HECW2: variants seen among roughly 807,000 people sequenced by gnomAD.
HECW2 encodes E3 ubiquitin-protein ligase HECW2.
In HECW2, 61 loss-of-function variants were observed where a neutral mutation model predicts 175.2. The ratio of observed to expected loss-of-function variants is 0.35; its 90% CI spans 0.28 to 0.43. The LOEUF is 0.43. Among genes scored for constraint, HECW2 ranks in the 20% least tolerant of loss-of-function variants. HECW2 has a pLI of 1.00. For synonymous variants in HECW2, 671 were observed against 731.0 expected, an observed-to-expected ratio of 0.92 and a Z score of 1.32; for missense variants, 1,524 against 2,000.5, an observed-to-expected ratio of 0.76 and a Z score of 4.54.
At chr2:196,519,228 GTT>G (rs985319809) in intron 1 of HECW2, among the ~76,000 whole-genome samples, 2 of 152,312 alleles carry the variant, frequency 1.3e-5, no homozygotes, top group African/African-American at 4.8e-5. Context: ...AGGTGGTAGA[GTT>G]AGGACTGAAA....
Position 196,382,904 on chromosome 2 carries a change from T to A in HECW2, c.293-39140A>T, listed in dbSNP as rs139411732. Among the ~76,000 whole-genome samples the A allele has an allele frequency of 2.6e-4, 39 of 152,344 alleles. No homozygotes were observed. In the East Asian group the frequency reaches 7.5e-3, roughly 29 times the overall value. On this transcript the variant is annotated intron_variant, in intron 2 of 28. Coordinates refer to ENST00000644978, the MANE Select transcript of HECW2 (RefSeq NM_001348768.2). ...AGCTTTCATTTTATTCTATTTTCTGTATTTTAAATGTTTTTCACTAAGCTT... is the reference window on the plus strand; with the variant it reads ...AGCTTTCATTTTATTCTATTTTCTGAATTTTAAATGTTTTTCACTAAGCTT...
chr2:196,580,022 T>C lies in HECW2; in HGVS notation c.-36+13486A>G, dbSNP rs144400085. Among the ~76,000 whole-genome samples the C allele has an allele frequency of 8.8e-3, 1,341 of 151,864 alleles. 17 individuals are homozygous for C. The highest frequency in any genetic ancestry group is 0.016 in the Non-Finnish European group (1,062 of 67,938). ...ATGATAACAGCAACCAAAAAAAGAGTTGGAGTGATAATATTAGTATCAGAC... is the reference window on the plus strand; with the variant it reads ...ATGATAACAGCAACCAAAAAAAGAGCTGGAGTGATAATATTAGTATCAGAC... On this transcript the variant is annotated intron_variant, in intron 1 of 28. Coordinates refer to ENST00000644978, the MANE Select transcript of HECW2 (RefSeq NM_001348768.2).
At chr2:196,304,517 A>T (rs1333947230) in intron 13 of HECW2, among the ~76,000 whole-genome samples, 2 of 151,932 alleles carry the variant, frequency 1.3e-5, no homozygotes, top group South Asian at 2.1e-4. Flanking sequence ...CTTATTTACC[A>T]CTCTATTCCC....
intron 2 of HECW2, among the ~76,000 whole-genome samples, chr2:196,368,717 GA>G (rs1693823871): frequency 6.6e-6 from 1 of 151,898 alleles, no homozygotes; most frequent in African/African-American, 2.4e-5. Context: ...CTGTCTTCAA[GA>G]TAATTTTTTC....
intron 2 of HECW2, among the ~76,000 whole-genome samples, chr2:196,418,779 T>TA (rs1695328004): frequency 6.6e-6 from 1 of 152,198 alleles, no homozygotes; most frequent in African/African-American, 2.4e-5. Context: ...TGGTACACTG[T>TA]AAAAAATTAG....
At chr2:196,483,275 T>G (rs1039685294) in intron 1 of HECW2, among the ~76,000 whole-genome samples, 2 of 152,180 alleles carry the variant, frequency 1.3e-5, no homozygotes, top group African/African-American at 4.8e-5. Context: ...ATAAATCTTG[T>G]GTGTCTACAT....
intron 21 of HECW2, among the ~76,000 whole-genome samples, chr2:196,237,556 G>GTA (rs768169895): frequency 6.6e-6 from 1 of 152,112 alleles, no homozygotes; most frequent in South Asian, 2.1e-4. Context: ...ATTCCATGGT[G>GTA]TATATATATA....
chr2:196,349,142 C>T (rs1015362629), intron 2 of HECW2, among the ~76,000 whole-genome samples: 17 of 152,218 alleles, frequency 1.1e-4, no homozygotes, highest in Admixed American at 2.6e-4. Flanking sequence ...ACCTTCCACT[C>T]AACCTAGACA....
chr2:196,540,116 T>C (rs1039534860), intron 1 of HECW2, among the ~76,000 whole-genome samples: 2 of 152,242 alleles, frequency 1.3e-5, no homozygotes, highest in African/African-American at 2.4e-5. Flanking sequence ...AGTTGTACTA[T>C]ATTTTTGGGA....
intron 14 of HECW2, among the ~76,000 whole-genome samples, chr2:196,280,228 T>C (rs979520031): frequency 2.0e-5 from 3 of 152,322 alleles, no homozygotes; most frequent in South Asian, 4.1e-4. Context: ...ACATGATGTA[T>C]GCCAAATAAC....
chr2:196,329,379 G>GAAAT (rs1409225458), intron 5 of HECW2, among the ~76,000 whole-genome samples, 196 bp downstream of exon 5: 4 of 152,050 alleles, frequency 2.6e-5, no homozygotes, highest in Non-Finnish European at 5.9e-5. Flanking sequence ...CTTGGTAGAA[G>GAAAT]AAATAATTTC....
At position 196,220,167 on chromosome 2, in the gene HECW2, A is replaced by C. The variant is rs763350968; in HGVS notation, c.4294-14T>G. The C allele has an allele frequency of 6.5e-7, 1 of 1,538,880 alleles. No individual in the cohort carries two copies. Among genetic ancestry groups the C allele is most frequent in the East Asian group, 2.2e-5 (1 of 44,544 alleles). Reference sequence around the variant, plus strand: ...GGCATCCACCACCTGTGGAATAAAAAGAGTACAAGGCATGGCTTAGGAGCC... The same window carrying C: ...GGCATCCACCACCTGTGGAATAAAACGAGTACAAGGCATGGCTTAGGAGCC... On this transcript the variant is annotated splice_polypyrimidine_tract_variant and intron_variant, in intron 25 of 28. Transcript: ENST00000644978.
chr2:196,523,644 C>T (rs1393325489), intron 1 of HECW2, among the ~76,000 whole-genome samples: 16 of 151,320 alleles, frequency 1.1e-4, no homozygotes, highest in African/African-American at 2.7e-4. Context: ...TTTTGAAATA[C>T]GTCCCATCAA....
chr2:196,320,293 G>C, intron 8 of HECW2, 46 bp downstream of exon 8: 1 of 1,170,434 alleles, frequency 8.5e-7, no homozygotes, highest in South Asian at 1.3e-5. Flanking sequence ...GGTTTAACAA[G>C]TTTTTCCTAT....
chr2:196,210,351 G>T (rs1213804734), intron 28 of HECW2, among the ~76,000 whole-genome samples: 1 of 151,906 alleles, frequency 6.6e-6, no homozygotes, highest in Non-Finnish European at 1.5e-5. Flanking sequence ...TGTTAACAGA[G>T]CTTATCTTAG....
chr2:196,568,887 A>T (rs1690278052), intron 1 of HECW2, among the ~76,000 whole-genome samples: 1 of 152,184 alleles, frequency 6.6e-6, no homozygotes, highest in Non-Finnish European at 1.5e-5. Flanking sequence ...TAGCATCCCC[A>T]GCATCCACAA....
chr2:196,230,686 G>C (rs1353413202), intron 21 of HECW2, among the ~76,000 whole-genome samples: 1 of 152,138 alleles, frequency 6.6e-6, no homozygotes, highest in Middle Eastern at 3.2e-3. Flanking sequence ...CCTGCCTTTG[G>C]AGCAACCACT....
chr2:196,292,789 T>G (rs375850741), intron 13 of HECW2, 39 bp from the exon 14 acceptor site: 30 of 1,535,110 alleles, frequency 2.0e-5, no homozygotes, highest in Non-Finnish European at 2.7e-5. Context: ...AACCCACTTG[T>G]GACATGCAGA....
At chr2:196,578,597 C>A (rs992253407) in intron 1 of HECW2, among the ~76,000 whole-genome samples, 1 of 151,948 alleles carries the variant, frequency 6.6e-6, no homozygotes, top group South Asian at 2.1e-4. Context: ...AAGAGAGAAA[C>A]GAAAGCAGTA....
Sources: allele counts gnomAD v4.1 joint callset (sites outside exome capture counted in the v4.1 genomes callset), GRCh38; gene constraint gnomAD v4.1.1; transcripts MANE v1.5; gene names NCBI Gene and HGNC (gene_info 2026-07-23, HGNC 2026-07-21).